Variants in FLI1 observed in about 807,000 individuals in gnomAD.
FLI1 encodes the protein Friend leukemia integration 1 transcription factor.
In FLI1, 13 loss-of-function variants were observed where a neutral mutation model predicts 53.1. That is an observed-to-expected ratio of 0.24 (90% CI 0.16 to 0.39). The LOEUF (loss-of-function observed/expected upper bound fraction) is 0.39. FLI1 is among the 10% of genes least tolerant of loss of function. The pLI, the probability that FLI1 is intolerant of heterozygous loss-of-function variation, is 1.00. For missense variants in FLI1, 424 were observed against 600.5 expected (o/e 0.71, Z 3.07); for synonymous variants, 244 against 236.7 (o/e 1.03, Z -0.28).
rs146580876 is a variant in FLI1 at position 128,750,485 on chromosome 11, T to G, written c.19-7630T>G. ...TTTTCCTCCTCTAACTCCACTGGAC[T>G]CATAACTGTGAAATATTTGTTCCTT... On this transcript the variant is annotated intron_variant, in intron 1 of 8. Coordinates refer to ENST00000527786, the MANE Select transcript of FLI1 (RefSeq NM_002017.5). Among the ~76,000 whole-genome samples, 5 of 152,382 alleles carry G rather than the reference T, an allele frequency of 3.3e-5. No individual in the cohort carries two copies. In the East Asian group the frequency reaches 9.6e-4, roughly 29 times the overall value.
At chr11:128,728,476 C>T (rs980289779) in intron 1 of FLI1, among the ~76,000 whole-genome samples, 59 of 152,246 alleles carry the variant, frequency 3.9e-4, no homozygotes, top group African/African-American at 1.3e-3. Flanking sequence ...GGTGCTCCTG[C>T]GTGTTGACGC....
intron 1 of FLI1, among the ~76,000 whole-genome samples, chr11:128,723,162 T>A (rs1259828382): frequency 6.6e-6 from 1 of 152,180 alleles, no homozygotes; most frequent in African/African-American, 2.4e-5. Context: ...TACCATCACA[T>A]TGTCCGTTAG....
intron 5 of FLI1, among the ~76,000 whole-genome samples, chr11:128,798,029 T>C (rs1290473117): frequency 6.6e-6 from 1 of 152,202 alleles, no homozygotes; most frequent in Non-Finnish European, 1.5e-5. Context: ...GCTGTGAACA[T>C]TGCAACCTAT....
intron 5 of FLI1, among the ~76,000 whole-genome samples, chr11:128,786,146 A>G (rs1239410411): frequency 6.6e-6 from 1 of 152,218 alleles, no homozygotes; most frequent in Non-Finnish European, 1.5e-5. Flanking sequence ...CGGGTTATTC[A>G]TATAAGCCAA....
At chr11:128,693,994 T>C (rs1315732100), upstream of FLI1, 5 of 211,760 alleles carry the variant, frequency 2.4e-5, no homozygotes, top group Non-Finnish European at 4.1e-5. Flanking sequence ...GAGAGAGAGA[T>C]AGGACTTCCT....
At chr11:128,764,635 C>G in intron 2 of FLI1, 1 of 1,530,976 alleles carries the variant, frequency 6.5e-7, no homozygotes, top group Non-Finnish European at 8.7e-7. Flanking sequence ...TTGTTTTCAT[C>G]AAGCCTTCTT....
Position 128,811,452 on chromosome 11 carries a change from G to A in FLI1, c.*464G>A. 4.3e-6 allele frequency: 1 copy of A among 234,568 alleles called. No homozygotes were observed. The highest frequency in any genetic ancestry group is 5.5e-5 in the Admixed American group (1 of 18,152). The allele number at this position is 234,568 out of a possible 1,614,324, so 14.5% of individuals were successfully genotyped here. On this transcript the variant is annotated 3_prime_UTR_variant, in exon 9 of 9. Coordinates refer to ENST00000527786, the MANE Select transcript of FLI1 (RefSeq NM_002017.5). ...GGAAGCTTATAATCTAATTTTAGGA[G>A]GACCAAATTCAGTGGATGGCAACTG...
At chr11:128,752,521 C>T (rs1415643764) in intron 1 of FLI1, among the ~76,000 whole-genome samples, 5 of 152,124 alleles carry the variant, frequency 3.3e-5, no homozygotes, top group Admixed American at 2.0e-4. Context: ...CAATAAACAC[C>T]GGAGTTACAC....
chr11:128,687,757 C>T (rs1354071883), intron 1 of FLI1, among the ~76,000 whole-genome samples: 4 of 152,200 alleles, frequency 2.6e-5, no homozygotes, highest in Non-Finnish European at 4.4e-5. Context: ...TAAAGGAAAA[C>T]TTGTCACACG....
chr11:128,742,257 G>T (rs903334204), intron 1 of FLI1, among the ~76,000 whole-genome samples: 1 of 152,124 alleles, frequency 6.6e-6, no homozygotes, highest in African/African-American at 2.4e-5. Context: ...CATCAACAAC[G>T]CCATTAAAAT....
intron 3 of FLI1, among the ~76,000 whole-genome samples, chr11:128,772,077 C>T (rs1473250355): frequency 1.9e-5 from 2 of 106,622 alleles, no homozygotes; most frequent in African/African-American, 3.8e-5. Flanking sequence ...CACACACACA[C>T]ATACACACAC....
intron 1 of FLI1, chr11:128,748,090 C>T (rs1049881107): frequency 1.1e-5 from 2 of 175,402 alleles, no homozygotes; most frequent in African/African-American, 4.8e-5. Flanking sequence ...CACAGAAGGC[C>T]ATGGCTCTGG....
chr11:128,689,625 T>C (rs1937658698), upstream of FLI1, among the ~76,000 whole-genome samples: 1 of 152,244 alleles, frequency 6.6e-6, no homozygotes, highest in African/African-American at 2.4e-5. Flanking sequence ...TGAATGCTGT[T>C]TGGGGCGGCT....
intron 1 of FLI1, among the ~76,000 whole-genome samples, chr11:128,730,682 C>A (rs1225548937): frequency 6.6e-6 from 1 of 152,142 alleles, no homozygotes; most frequent in Non-Finnish European, 1.5e-5. Context: ...ACACCAAGGG[C>A]TGCGTGATGG....
At chr11:128,687,684 T>C (rs1309781607) in intron 1 of FLI1, among the ~76,000 whole-genome samples, 3 of 152,102 alleles carry the variant, frequency 2.0e-5, no homozygotes, top group Admixed American at 2.0e-4. Context: ...TGTGATGGGA[T>C]GCAGACTCTC....
intron 1 of FLI1, among the ~76,000 whole-genome samples, chr11:128,687,286 C>T (rs1167062678): frequency 6.6e-6 from 1 of 151,726 alleles, no homozygotes; most frequent in Non-Finnish European, 1.5e-5. Flanking sequence ...TTTTCTTTTC[C>T]ACAACAGTTT....
At chr11:128,804,237 T>C (rs1942713850) in intron 5 of FLI1, 1 of 152,382 alleles carries the variant, frequency 6.6e-6, no homozygotes, top group East Asian at 1.9e-4. Context: ...CAGAAGGGGC[T>C]GAAGGGCATG....
At chr11:128,686,267 A>G (rs906828158), upstream of FLI1, 1 of 451,512 alleles carries the variant, frequency 2.2e-6, no homozygotes, top group African/African-American at 2.0e-5. Flanking sequence ...CGCACCAAGA[A>G]CTAGAACATC....
At chr11:128,757,366 G>A (rs1465718693) in intron 1 of FLI1, among the ~76,000 whole-genome samples, 3 of 152,056 alleles carry the variant, frequency 2.0e-5, no homozygotes, top group Non-Finnish European at 2.9e-5. Context: ...GGCACTTCAC[G>A]TGTCTGAGGT....
Sources: allele counts gnomAD v4.1 joint callset (sites outside exome capture counted in the v4.1 genomes callset), GRCh38; gene constraint gnomAD v4.1.1; transcripts MANE v1.5; gene names NCBI Gene and HGNC (gene_info 2026-07-23, HGNC 2026-07-21).